Variants in SAMD5 observed in about 807,000 individuals in gnomAD.
SAMD5 encodes the protein sterile alpha motif domain containing 5, also known as sterile alpha motif domain-containing protein 5.
In SAMD5, 13 loss-of-function variants were observed where a neutral mutation model predicts 11.3. That is an observed-to-expected ratio of 1.15 (90% CI 0.75 to 1.83). The LOEUF (loss-of-function observed/expected upper bound fraction) is 1.83. Ranked by LOEUF, SAMD5 falls within the 40% of genes most tolerant of loss-of-function variation. SAMD5 has a pLI of 0.00. For missense variants in SAMD5, 255 were observed against 239.1 expected (o/e 1.07, Z -0.44); for synonymous variants, 129 against 111.3 (o/e 1.16, Z -1.00).
the SAMD5 span, among the ~76,000 whole-genome samples, chr6:147,749,307 T>A: frequency 6.6e-6 from 1 of 151,988 alleles, no homozygotes. Context: ...GTAGCTGGGA[T>A]TACAGGTGCC....
intron 1 of SAMD5, among the ~76,000 whole-genome samples, chr6:147,674,519 A>G (rs898582699): frequency 1.3e-5 from 2 of 151,982 alleles, no homozygotes; most frequent in East Asian, 3.9e-4. Flanking sequence ...TTCTCAATGC[A>G]CTCCAACCAG....
intron 1 of SAMD5, among the ~76,000 whole-genome samples, chr6:147,614,228 G>A (rs988635223): frequency 1.3e-5 from 2 of 151,894 alleles, no homozygotes; most frequent in African/African-American, 4.9e-5. Flanking sequence ...CAACATTTGG[G>A]AGGCAGAGGC....
rs1791391712 is a variant in SAMD5 at position 147,711,111 on chromosome 6, G to A, written c.163-26206G>A. Among the ~76,000 whole-genome samples, 1 of 152,088 alleles carries A rather than the reference G, an allele frequency of 6.6e-6. No homozygotes were observed. The highest frequency in any genetic ancestry group is 1.5e-5 in the Non-Finnish European group (1 of 68,004). On this transcript the variant is annotated intron_variant, in intron 1 of 1. Coordinates refer to the SAMD5 transcript ENST00000566741. The surrounding 1 kb of genome is among the most constrained non-coding windows in gnomAD (Gnocchi z 4.1). Reference sequence around the variant, plus strand: ...GGGGCAATGGAAAGTATCAGAAGTGGGAGGGTGTTGTAGAGAGAAGGAATT... The same window carrying A: ...GGGGCAATGGAAAGTATCAGAAGTGAGAGGGTGTTGTAGAGAGAAGGAATT...
the SAMD5 span, among the ~76,000 whole-genome samples, chr6:147,748,964 C>T: frequency 3.3e-5 from 5 of 152,234 alleles, no homozygotes; most frequent in Admixed American, 6.5e-5. Flanking sequence ...AGGTACTCTC[C>T]GTTTATTGAC....
chr6:147,879,677 A>C, the SAMD5 span, among the ~76,000 whole-genome samples: 148 of 152,302 alleles, frequency 9.7e-4, no homozygotes, highest in African/African-American at 3.5e-3. Flanking sequence ...CATGAAAAGC[A>C]ATGGGGGATT....
the SAMD5 span, among the ~76,000 whole-genome samples, chr6:147,835,231 T>TA: frequency 1.5e-5 from 1 of 66,982 alleles, no homozygotes; most frequent in African/African-American, 1.2e-4. Flanking sequence ...AGACTCCATC[T>TA]TAAAAAAAAA....
At chr6:147,687,873 A>G (rs894540897) in intron 1 of SAMD5, among the ~76,000 whole-genome samples, 2 of 152,180 alleles carry the variant, frequency 1.3e-5, no homozygotes, top group Non-Finnish European at 2.9e-5. Flanking sequence ...GGCAACATGA[A>G]ATAGTAATGT....
At chr6:147,791,865 A>G in the SAMD5 span, among the ~76,000 whole-genome samples, 2 of 152,330 alleles carry the variant, frequency 1.3e-5, no homozygotes, top group South Asian at 2.1e-4. Flanking sequence ...TGCCAATTAT[A>G]TGACTTACGA....
chr6:147,940,624 G>A, the SAMD5 span, among the ~76,000 whole-genome samples: 1 of 152,148 alleles, frequency 6.6e-6, no homozygotes, highest in African/African-American at 2.4e-5. Context: ...CACAAAAACT[G>A]TATCTGCTGC....
At chr6:147,737,776 T>C (rs757339636), downstream of SAMD5, among the ~76,000 whole-genome samples, 9 of 147,546 alleles carry the variant, frequency 6.1e-5, no homozygotes, top group Non-Finnish European at 1.2e-4. Flanking sequence ...TATATATATA[T>C]ATATTACATA....
At chr6:147,725,608 C>T (rs1453628593) in intron 1 of SAMD5, among the ~76,000 whole-genome samples, 9 of 152,136 alleles carry the variant, frequency 5.9e-5, no homozygotes, top group African/African-American at 1.9e-4. Context: ...AGGCTGGTCT[C>T]GAACTCCTGA....
chr6:147,744,921 A>ATAAGTAAG, the SAMD5 span, among the ~76,000 whole-genome samples: 1 of 142,632 alleles, frequency 7.0e-6, no homozygotes, highest in African/African-American at 3.0e-5. Context: ...AAATAAATAA[A>ATAAGTAAG]TAAGTAAGTA....
chr6:147,522,117 G>A (rs982440354), intron 1 of SAMD5, among the ~76,000 whole-genome samples: 1 of 152,006 alleles, frequency 6.6e-6, no homozygotes, highest in Non-Finnish European at 1.5e-5. Flanking sequence ...AAGCTCTATT[G>A]TTATAAAATT....
chr6:147,744,817 G>A, the SAMD5 span, among the ~76,000 whole-genome samples: 1 of 152,042 alleles, frequency 6.6e-6, no homozygotes, highest in East Asian at 1.9e-4. Context: ...AGAATCACTT[G>A]AACCTGGAAG....
chr6:147,628,396 A>G (rs572473556), intron 1 of SAMD5, among the ~76,000 whole-genome samples: 1 of 152,316 alleles, frequency 6.6e-6, no homozygotes, highest in Non-Finnish European at 1.5e-5. Context: ...GCCTATTCCA[A>G]CCTAGTATAA....
intron 1 of SAMD5, among the ~76,000 whole-genome samples, chr6:147,617,524 T>G (rs1054782915): frequency 6.6e-6 from 1 of 152,240 alleles, no homozygotes; most frequent in Non-Finnish European, 1.5e-5. Flanking sequence ...CTTTATGAAA[T>G]GGAATTGCTC....
At chr6:147,746,303 A>T in the SAMD5 span, among the ~76,000 whole-genome samples, 1 of 151,866 alleles carries the variant, frequency 6.6e-6, no homozygotes, top group Non-Finnish European at 1.5e-5. Context: ...GGCTGCTCAG[A>T]CTCCCTGAGG....
the SAMD5 span, among the ~76,000 whole-genome samples, chr6:147,753,467 A>T: frequency 6.6e-6 from 1 of 152,204 alleles, no homozygotes; most frequent in East Asian, 1.9e-4. Flanking sequence ...GGTACATGCG[A>T]TGTTTTGATA....
chr6:147,747,245 G>T, the SAMD5 span, among the ~76,000 whole-genome samples: 1 of 152,174 alleles, frequency 6.6e-6, no homozygotes, highest in African/African-American at 2.4e-5. Context: ...AAGTGCTACC[G>T]CAGGGATTGC....
Sources: allele counts gnomAD v4.1 joint callset (sites outside exome capture counted in the v4.1 genomes callset), GRCh38; gene constraint gnomAD v4.1.1; non-coding constraint Gnocchi (gnomAD v3.1); transcripts MANE v1.5; gene names NCBI Gene and HGNC (gene_info 2026-07-23, HGNC 2026-07-21).